PDGFD: variants seen among roughly 807,000 people sequenced by gnomAD.
The protein encoded by PDGFD is platelet derived growth factor D, also known as platelet-derived growth factor D.
Under a neutral mutation model 44.7 loss-of-function variants are expected in PDGFD, and 30 were observed. That is an observed-to-expected ratio of 0.67 (90% CI 0.50 to 0.91). The LOEUF (loss-of-function observed/expected upper bound fraction) is 0.91, where lower values mean the gene tolerates loss of function less well. Ranked by LOEUF, PDGFD falls within the 40% of genes least tolerant of loss-of-function variation. The pLI is 0.00. For missense variants in PDGFD, 445 were observed against 457.8 expected (o/e 0.97, Z 0.25); for synonymous variants, 173 against 168.4 (o/e 1.03, Z -0.21).
chr11:103,964,406 T>C lies in PDGFD; in HGVS notation c.511-16682A>G, dbSNP rs116756211. ...CATAACCTAGCAAACTATTGCTATT[T>C]CAGAAATCAGTGTCCAGAGCCATTT... On this transcript the variant is annotated intron_variant, in intron 3 of 6. Transcript: ENST00000393158. Among the ~76,000 whole-genome samples the C allele has an allele frequency of 2.9e-3, 445 of 152,282 alleles. 4 individuals carry two copies. The highest frequency in any genetic ancestry group is 0.01 in the African/African-American group (434 of 41,556).
intron 1 of PDGFD, among the ~76,000 whole-genome samples, chr11:104,027,327 A>G (rs962164247): frequency 6.6e-6 from 1 of 152,168 alleles, no homozygotes; most frequent in Non-Finnish European, 1.5e-5. Flanking sequence ...ATTAATCTAC[A>G]TGTGTTATTT....
rs145170039 is a variant in PDGFD at position 103,970,788 on chromosome 11, C to T, written c.511-23064G>A. On this transcript the variant is annotated intron_variant, in intron 3 of 6. Coordinates refer to ENST00000393158, the MANE Select transcript of PDGFD (RefSeq NM_025208.5). The stretch of plus-strand genomic sequence containing the variant: ...AATTGTTTATGATGCTCCCTGGGGG[C>T]ATAACTAGAAGTCAGGGCATGAAAT... Among the ~76,000 whole-genome samples, 364 of 152,134 alleles carry T rather than the reference C, an allele frequency of 2.4e-3. 1 individual carries two copies. The highest frequency in any genetic ancestry group is 4.2e-3 in the Non-Finnish European group (285 of 67,936).
At chr11:104,074,090 T>C (rs937751012) in intron 1 of PDGFD, among the ~76,000 whole-genome samples, 1 of 152,210 alleles carries the variant, frequency 6.6e-6, no homozygotes, top group African/African-American at 2.4e-5. Flanking sequence ...CTACTTCCTC[T>C]TTTTTCACCA....
chr11:104,129,381 T>TC (rs79898855), intron 1 of PDGFD, among the ~76,000 whole-genome samples: 19,785 of 152,064 alleles, frequency 0.13, 1,425 homozygotes, highest in East Asian at 0.29. Flanking sequence ...TTGTCAACTT[T>TC]CCCTTAACCT....
rs1469471338 is a variant in PDGFD at position 104,046,317 on chromosome 11, T to C, written c.125-46062A>G. Among the ~76,000 whole-genome samples the C allele has an allele frequency of 2.0e-5, 3 of 147,424 alleles. 1 individual carries two copies. Among genetic ancestry groups the C allele is most frequent in the African/African-American group, 4.9e-5 (2 of 40,470 alleles). The stretch of plus-strand genomic sequence containing the variant: ...GGTGCATCTCATCAAGAGTTCAGAA[T>C]TAAATGATATTAAGAAAAATTATAT... On this transcript the variant is annotated intron_variant, in intron 1 of 6. Transcript: ENST00000393158.
chr11:104,038,685 A>AT (rs1388424304), intron 1 of PDGFD: 1 of 167,092 alleles, frequency 6.0e-6, no homozygotes, highest in Non-Finnish European at 1.5e-5. Flanking sequence ...AGGATGCTAC[A>AT]TTAATTTTCT....
intron 1 of PDGFD, among the ~76,000 whole-genome samples, chr11:104,116,974 C>T (rs1259894316): frequency 6.6e-6 from 1 of 151,956 alleles, no homozygotes; most frequent in Non-Finnish European, 1.5e-5. Context: ...TCTTTTTCTT[C>T]CCAGTCTCGA....
At chr11:104,136,603 G>A (rs114583002) in intron 1 of PDGFD, among the ~76,000 whole-genome samples, 2,211 of 152,192 alleles carry the variant, frequency 0.015, 66 homozygotes, top group African/African-American at 0.05. Flanking sequence ...CTATACGCAC[G>A]TATTGCTCTG....
Position 104,082,142 on chromosome 11 carries a change from A to ATATATATATATATATATATATG in PDGFD, c.124+81661_124+81662insCATATATATATATATATATATA, listed in dbSNP as rs1409943824. Among the ~76,000 whole-genome samples the ATATATATATATATATATATATG allele has an allele frequency of 4.7e-4, 70 of 147,428 alleles. 2 individuals are homozygous for ATATATATATATATATATATATG. Among genetic ancestry groups the ATATATATATATATATATATATG allele is most frequent in the African/African-American group, 1.7e-3 (68 of 39,306 alleles). ...GATGTCCATATACATACATACATAT[A>ATATATATATATATATATATATG]TATATATGAAAAACAAAGTCCATTA... is the stretch of plus-strand genomic sequence containing the variant. On this transcript the variant is annotated intron_variant, in intron 1 of 6. Transcript: ENST00000393158.
At chr11:103,944,100 A>G (rs1858634191) in intron 4 of PDGFD, among the ~76,000 whole-genome samples, 1 of 152,112 alleles carries the variant, frequency 6.6e-6, no homozygotes, top group Non-Finnish European at 1.5e-5. Flanking sequence ...TTTACAGGTC[A>G]CCTGGCATTG....
At chr11:104,141,388 GATTTA>G (rs1051303975) in intron 1 of PDGFD, among the ~76,000 whole-genome samples, 3 of 143,406 alleles carry the variant, frequency 2.1e-5, no homozygotes, top group African/African-American at 8.3e-5. Flanking sequence ...ACGATACAGA[GATTTA>G]ATTTAATTTT....
chr11:103,909,720 T>C lies in PDGFD; in HGVS notation c.1087A>G (p.Ile363Val). ...QLDHHERCDC[I>V]CSSRPPR The stretch of plus-strand genomic sequence containing the variant: ...TATCGAGGTGGTCTTGAGCTGCAGA[T>C]ACAATCACATCGTTCATGGTGATCC... Residue 363 changes from isoleucine (I) to valine (V), a missense_variant, in exon 7 of 7, where the codon ATC (isoleucine) becomes GTC (valine). Transcript: ENST00000393158. 1 of 1,614,090 alleles carries C rather than the reference T, an allele frequency of 6.2e-7. No individual in the cohort carries two copies. The highest frequency in any genetic ancestry group is 2.2e-5 in the East Asian group (1 of 44,886).
chr11:103,949,931 C>G (rs1010416548), intron 3 of PDGFD, among the ~76,000 whole-genome samples: 12 of 152,076 alleles, frequency 7.9e-5, no homozygotes, highest in African/African-American at 2.9e-4. Context: ...AATGCTTAGA[C>G]AAGGTGAGGA....
chr11:103,962,443 A>C (rs1374510703), intron 3 of PDGFD, among the ~76,000 whole-genome samples: 1 of 152,186 alleles, frequency 6.6e-6, no homozygotes, highest in Middle Eastern at 3.2e-3. Flanking sequence ...AGCAGGGATC[A>C]TAAAGATGCT....
chr11:103,944,291 T>A (rs73614247), intron 4 of PDGFD, among the ~76,000 whole-genome samples: 6,217 of 152,218 alleles, frequency 0.041, 417 homozygotes, highest in African/African-American at 0.14. Flanking sequence ...TTGCTAGTGA[T>A]CCCAGTTGCC....
intron 1 of PDGFD, among the ~76,000 whole-genome samples, chr11:104,069,677 G>A (rs1363764934): frequency 1.3e-5 from 2 of 152,118 alleles, no homozygotes; most frequent in East Asian, 1.9e-4. Context: ...TGGCTAACAC[G>A]GTGAAACCCC....
intron 1 of PDGFD, among the ~76,000 whole-genome samples, chr11:104,050,826 A>G (rs2134406223): frequency 6.6e-6 from 1 of 152,312 alleles, no homozygotes; most frequent in Admixed American, 6.5e-5. Context: ...TCACTCCAAG[A>G]GTCCTCTCAA....
intron 3 of PDGFD, among the ~76,000 whole-genome samples, chr11:103,991,145 G>GA (rs11382574): frequency 0.018 from 2,510 of 142,060 alleles, 58 homozygotes; most frequent in African/African-American, 0.059. Context: ...ACTCAAAAAA[G>GA]AAAAAAAAAA....
intron 1 of PDGFD, among the ~76,000 whole-genome samples, chr11:104,086,660 T>G (rs949128204): frequency 2.0e-5 from 3 of 152,236 alleles, no homozygotes; most frequent in Non-Finnish European, 4.4e-5. Context: ...ATATTAACTT[T>G]AGATAAACGT....
Sources: allele counts gnomAD v4.1 joint callset (sites outside exome capture counted in the v4.1 genomes callset), GRCh38; gene constraint gnomAD v4.1.1; transcripts MANE v1.5; gene names NCBI Gene and HGNC (gene_info 2026-07-23, HGNC 2026-07-21).